Variants in SULT4A1 observed in about 807,000 individuals in gnomAD.
SULT4A1 encodes the protein sulfotransferase 4A1.
In SULT4A1, 11 loss-of-function variants were observed where a neutral mutation model predicts 35.2. That is an observed-to-expected ratio of 0.31 (90% CI 0.20 to 0.52). The LOEUF is 0.52. SULT4A1 is among the 20% of genes least tolerant of loss of function. The pLI, the probability that SULT4A1 is intolerant of heterozygous loss-of-function variation, is 0.97. For missense variants in SULT4A1, 271 were observed against 383.7 expected (o/e 0.71, Z 2.45); for synonymous variants, 152 against 151.8 (o/e 1.00, Z -0.01).
Position 43,825,951 on chromosome 22 carries a change from G to T in SULT4A1, c.*50C>A. 1.3e-6 allele frequency: 2 copies of T among 1,565,790 alleles called. No homozygotes were observed. The highest frequency in any genetic ancestry group is 1.8e-6 in the Non-Finnish European group (2 of 1,141,444). ...TAAATGAATGCATACAGGACTTTTG[G>T]CTAGTAGACTGTCTGGGTATTGTGA... is the stretch of plus-strand genomic sequence containing the variant. On this transcript the variant is annotated 3_prime_UTR_variant, in exon 7 of 7. Transcript: ENST00000330884.
At position 43,840,077 on chromosome 22, in the gene SULT4A1, G is replaced by A. The variant is rs766313296; in HGVS notation, c.301-52C>T. ...GTCAGAGGAAAGGGTGAGACCAAGG[G>A]GAGGAGTGGGGCCAAGGGGAAGGGG... On this transcript the variant is annotated intron_variant, in intron 2 of 6. Transcript: ENST00000330884. 19 of 1,452,854 alleles carry A rather than the reference G, an allele frequency of 1.3e-5. No individual in the cohort carries two copies. In the African/African-American group the frequency reaches 2.5e-4, roughly 19 times the overall value. The allele number at this position is 1,452,854 out of a possible 1,614,324, so 90.0% of individuals were successfully genotyped here.
At chr22:43,855,626 G>C (rs1055505883) in intron 1 of SULT4A1, among the ~76,000 whole-genome samples, 3 of 152,114 alleles carry the variant, frequency 2.0e-5, no homozygotes, top group Non-Finnish European at 4.4e-5. Flanking sequence ...CCCTCCAGAA[G>C]CCCACGCTAG....
chr22:43,833,105 T>C (rs1046998743), intron 5 of SULT4A1, among the ~76,000 whole-genome samples: 1 of 152,114 alleles, frequency 6.6e-6, no homozygotes, highest in Non-Finnish European at 1.5e-5. Flanking sequence ...GTCTCCTGCC[T>C]GTCCTGCCCC....
intron 1 of SULT4A1, among the ~76,000 whole-genome samples, chr22:43,852,385 C>T (rs1317755275): frequency 6.6e-6 from 1 of 150,948 alleles, no homozygotes; most frequent in Admixed American, 6.6e-5. Context: ...CCCTATGTTG[C>T]CCAGACGGTC....
At chr22:43,841,518 G>A (rs1333127447) in intron 2 of SULT4A1, among the ~76,000 whole-genome samples, 1 of 152,086 alleles carries the variant, frequency 6.6e-6, no homozygotes, top group African/African-American at 2.4e-5. Context: ...AAGCGAGGGG[G>A]AGGCCCAGGG....
chr22:43,848,237 T>C (rs1603408615), intron 1 of SULT4A1, among the ~76,000 whole-genome samples: 1 of 151,904 alleles, frequency 6.6e-6, no homozygotes, highest in African/African-American at 2.4e-5. Flanking sequence ...GCTGCTGGGG[T>C]CAAAGGAGAT....
chr22:43,826,258 T>A (rs1426257058), intron 6 of SULT4A1, 145 bp from the exon 7 acceptor site: 1 of 1,457,928 alleles, frequency 6.9e-7, no homozygotes, highest in Non-Finnish European at 9.0e-7. Flanking sequence ...GGAAGGGCCG[T>A]CTGAGCTACA....
chr22:43,857,236 A>G (rs1163050011), intron 1 of SULT4A1, among the ~76,000 whole-genome samples: 2 of 152,090 alleles, frequency 1.3e-5, no homozygotes, highest in Admixed American at 1.3e-4. Context: ...CCAAACTGGA[A>G]CAAAAAGAGA....
intron 3 of SULT4A1, 30 bp from the exon 4 acceptor site, chr22:43,839,023 T>C: frequency 6.2e-7 from 1 of 1,610,096 alleles, no homozygotes; most frequent in South Asian, 1.1e-5. Context: ...GATGAGTCCG[T>C]GTCTCCTTCC....
chr22:43,844,534 C>T (rs1446046586), intron 1 of SULT4A1, among the ~76,000 whole-genome samples: 5 of 152,212 alleles, frequency 3.3e-5, no homozygotes, highest in Non-Finnish European at 5.9e-5. Flanking sequence ...TCAGGTCCGA[C>T]GGCCTCCAGC....
intron 1 of SULT4A1, among the ~76,000 whole-genome samples, chr22:43,854,566 G>A (rs1418517371): frequency 1.3e-5 from 2 of 152,194 alleles, no homozygotes; most frequent in Non-Finnish European, 2.9e-5. Context: ...CTGCCCTAGA[G>A]GTCACCTGCA....
chr22:43,826,436 G>A, intron 6 of SULT4A1: 1 of 985,266 alleles, frequency 1.0e-6, no homozygotes, highest in Non-Finnish European at 1.2e-6. Context: ...TCAGTGCTGG[G>A]TCCCCAGCAC....
At chr22:43,842,213 G>T (rs1194341922) in intron 1 of SULT4A1, among the ~76,000 whole-genome samples, 3 of 152,190 alleles carry the variant, frequency 2.0e-5, no homozygotes, top group African/African-American at 7.2e-5. Context: ...TATGGAAGTG[G>T]CTCAGGGGCT....
In SULT4A1 at chr22:43,850,989, T is replaced by C. The variant is rs190587577; in HGVS notation, c.170-9057A>G. ...GGTGTCTTTTATTGAGCTCTGAACA[T>C]TCTGAAAATCTAGCTTCAATAATTT... On this transcript the variant is annotated intron_variant, in intron 1 of 6. Coordinates refer to ENST00000330884, the MANE Select transcript of SULT4A1 (RefSeq NM_014351.4). Among the ~76,000 whole-genome samples, 40 of 152,272 alleles carry C rather than the reference T, an allele frequency of 2.6e-4. No homozygotes were observed. The East Asian group carries it at 6.6e-3, about 25-fold the overall frequency.
At position 43,825,341 on chromosome 22, in the gene SULT4A1, G is replaced by A. The variant is rs1037222788; in HGVS notation, c.*660C>T. On this transcript the variant is annotated 3_prime_UTR_variant, in exon 7 of 7. Transcript: ENST00000330884. ...GGCTCCTCTGCATTGGGCCTTTGGA[G>A]CCGCCCGCTGGAAGTCTCTGGCAGA... 1 of 152,232 alleles carries A rather than the reference G, an allele frequency of 6.6e-6. No individual in the cohort carries two copies. The highest frequency in any genetic ancestry group is 1.5e-5 in the Non-Finnish European group (1 of 68,084). 9.4% of individuals were successfully genotyped at this position (152,232 alleles called of 1,614,324 possible). A position where few individuals can be genotyped will look rare whatever the true frequency, so the allele number is the denominator to read the frequency against.
intron 4 of SULT4A1, among the ~76,000 whole-genome samples, chr22:43,838,183 G>C (rs952980446): frequency 2.6e-5 from 4 of 152,240 alleles, no homozygotes; most frequent in Non-Finnish European, 5.9e-5. Context: ...AGAGAGTAAG[G>C]ACTGGGAGCG....
chr22:43,831,066 C>G (rs972222042), intron 5 of SULT4A1, among the ~76,000 whole-genome samples: 1 of 152,190 alleles, frequency 6.6e-6, no homozygotes, highest in Non-Finnish European at 1.5e-5. Context: ...AAAATGAAGT[C>G]CCAGCACTGA....
rs544547748 is a variant in SULT4A1 at position 43,854,740 on chromosome 22, G to A, written c.169+7474C>T. The stretch of plus-strand genomic sequence containing the variant: ...CACACGCCAAAGAAGGCTCCTGGCT[G>A]TGTTCATGTCGTCTCTCAAGGGATC... On this transcript the variant is annotated intron_variant, in intron 1 of 6. Transcript: ENST00000330884. 1.4e-4 allele frequency among the ~76,000 whole-genome samples: 22 copies of A among 152,302 alleles called. 1 individual carries two copies. The highest frequency in any genetic ancestry group is 5.3e-4 in the African/African-American group (22 of 41,574).
intron 6 of SULT4A1, chr22:43,826,802 G>A (rs2063289624): frequency 1.0e-6 from 1 of 985,320 alleles, no homozygotes; most frequent in African/African-American, 1.7e-5. Flanking sequence ...AACATGCACT[G>A]CAGTGAGAAT....
Sources: allele counts gnomAD v4.1 joint callset (sites outside exome capture counted in the v4.1 genomes callset), GRCh38; gene constraint gnomAD v4.1.1; transcripts MANE v1.5; gene names NCBI Gene and HGNC (gene_info 2026-07-23, HGNC 2026-07-21).